Variants in ROBO2 observed in about 807,000 individuals in gnomAD.
ROBO2 encodes roundabout guidance receptor 2, also known as roundabout homolog 2.
A neutral mutation model predicts 160.8 loss-of-function variants in ROBO2; 53 were observed. That is an observed-to-expected ratio of 0.33 (90% CI 0.26 to 0.41). The LOEUF (loss-of-function observed/expected upper bound fraction) is 0.41. Ranked by LOEUF, ROBO2 falls within the 10% of genes least tolerant of loss-of-function variation. The probability of loss-of-function intolerance (pLI) is 1.00; values close to 1 mark genes in which losing one functional copy is unlikely to be tolerated. For missense variants in ROBO2, 1,577 were observed against 1,722.4 expected (o/e 0.92, Z 1.49); for synonymous variants, 664 against 611.7 (o/e 1.09, Z -1.26).
intron 2 of ROBO2, among the ~76,000 whole-genome samples, chr3:75,976,716 T>C (rs2065142620): frequency 6.6e-6 from 1 of 151,576 alleles, no homozygotes; most frequent in South Asian, 2.1e-4. Flanking sequence ...GAAGTTTCCA[T>C]TGTGACACAG....
exon 20 of ROBO2, chr3:77,602,340 C>T (rs773494376): frequency 6.2e-7 from 1 of 1,614,076 alleles, no homozygotes; most frequent in South Asian, 1.1e-5. Context: ...CACAGGCTAC[C>T]CCATATGCCA....
rs539606103 is a variant in ROBO2 at position 77,001,047 on chromosome 3, A to T, written c.110-96967A>T. Among the ~76,000 whole-genome samples, 3 of 152,292 alleles carry T rather than the reference A, an allele frequency of 2.0e-5. No individual in the cohort carries two copies. In the South Asian group the frequency reaches 6.2e-4, roughly 32 times the overall value. On this transcript the variant is annotated intron_variant, in intron 2 of 26. Coordinates refer to the ROBO2 transcript ENST00000487694. ...ACAGCCATCATTTGCGTGCCTGCTAAATTTCTAGATACAAGCACCAACTCT... is the reference window on the plus strand; with the variant it reads ...ACAGCCATCATTTGCGTGCCTGCTATATTTCTAGATACAAGCACCAACTCT...
At chr3:77,632,161 T>C (rs936959206) in intron 23 of ROBO2, 7 of 184,492 alleles carry the variant, frequency 3.8e-5, no homozygotes, top group Non-Finnish European at 7.8e-5. Flanking sequence ...ATTTCTGAAT[T>C]ATAGTAACTT....
intron 2 of ROBO2, among the ~76,000 whole-genome samples, chr3:77,390,999 T>G (rs540145588): frequency 6.6e-6 from 1 of 152,198 alleles, no homozygotes; most frequent in Admixed American, 6.6e-5. Context: ...TGCCTTCATT[T>G]TAGACACTCT....
At chr3:77,329,328 A>G (rs138049238) in intron 2 of ROBO2, among the ~76,000 whole-genome samples, 22 of 152,272 alleles carry the variant, frequency 1.4e-4, no homozygotes, top group African/African-American at 5.1e-4. Context: ...AACTTTGGAA[A>G]CTTCTGTTTC....
chr3:76,552,278 G>A (rs147235048), intron 2 of ROBO2, among the ~76,000 whole-genome samples: 5 of 152,074 alleles, frequency 3.3e-5, no homozygotes, highest in South Asian at 2.1e-4. Flanking sequence ...ATCTGTCGGG[G>A]GCCCTGGAAC....
At chr3:77,253,466 A>T (rs2090604915) in intron 2 of ROBO2, among the ~76,000 whole-genome samples, 1 of 152,188 alleles carries the variant, frequency 6.6e-6, no homozygotes, top group African/African-American at 2.4e-5. Context: ...CTATTCCAAA[A>T]ATAATATTAA....
At chr3:77,507,557 A>C (rs989092195) in intron 5 of ROBO2, among the ~76,000 whole-genome samples, 1 of 152,156 alleles carries the variant, frequency 6.6e-6, no homozygotes, top group Non-Finnish European at 1.5e-5. Flanking sequence ...TGTGGATGTG[A>C]TCCCTAAAGT....
intron 2 of ROBO2, among the ~76,000 whole-genome samples, chr3:76,217,380 C>T (rs771750922): frequency 1.1e-4 from 17 of 151,920 alleles, no homozygotes; most frequent in African/African-American, 3.4e-4. Flanking sequence ...CAGGAGCTGG[C>T]GTTTTGAAAA....
At chr3:76,509,531 T>C (rs1028049753) in intron 2 of ROBO2, among the ~76,000 whole-genome samples, 1 of 152,120 alleles carries the variant, frequency 6.6e-6, no homozygotes, top group African/African-American at 2.4e-5. Flanking sequence ...CCTTATTCAA[T>C]GGCAGATGGT....
In ROBO2 at chr3:77,602,828, C is replaced by T. The variant is rs149072658; in HGVS notation, c.3136+337C>T. 486 of 472,458 alleles carry T rather than the reference C, an allele frequency of 1.0e-3. 1 individual carries two copies. Among genetic ancestry groups the T allele is most frequent in the Admixed American group, 2.1e-3 (88 of 42,444 alleles). 29.3% of individuals were successfully genotyped at this position (472,458 alleles called of 1,614,324 possible). A position where few individuals can be genotyped will look rare whatever the true frequency, so the allele number is the denominator to read the frequency against. ...GCAGGGTAGACAAAACATTCCTCCA[C>T]TCTCCCACAACATCTGCTTCTGAGT... On this transcript the variant is annotated intron_variant, in intron 20 of 25. Coordinates refer to ENST00000461745, the Ensembl canonical transcript of ROBO2.
chr3:76,682,619 G>C (rs1257514762), intron 2 of ROBO2, among the ~76,000 whole-genome samples: 1 of 152,064 alleles, frequency 6.6e-6, no homozygotes, highest in Non-Finnish European at 1.5e-5. Flanking sequence ...TCTTGGCCAG[G>C]CTGGTCTTGA....
At chr3:76,854,014 G>C (rs2069713302) in intron 2 of ROBO2, among the ~76,000 whole-genome samples, 1 of 124,496 alleles carries the variant, frequency 8.0e-6, no homozygotes. Flanking sequence ...CAAAAGCATA[G>C]ACTTTCTCTC....
At position 75,980,151 on chromosome 3, in the gene ROBO2, G is replaced by A. The variant is rs530989958; in HGVS notation, c.109+42549G>A. On this transcript the variant is annotated intron_variant, in intron 2 of 26. Coordinates refer to the ROBO2 transcript ENST00000487694. ...ACGATACAGGGCAAAGTATTTTGCC[G>A]TCACGGACTTCAGATTTCATAAAGT... is the stretch of plus-strand genomic sequence containing the variant. Among the ~76,000 whole-genome samples, 51 of 151,570 alleles carry A rather than the reference G, an allele frequency of 3.4e-4. 1 individual carries two copies. Among genetic ancestry groups the A allele is most frequent in the South Asian group, 1.0e-3 (5 of 4,820 alleles).
At chr3:76,247,889 A>T (rs1296593678) in intron 2 of ROBO2, among the ~76,000 whole-genome samples, 2 of 151,904 alleles carry the variant, frequency 1.3e-5, no homozygotes, top group Non-Finnish European at 1.5e-5. Flanking sequence ...CACATGAAAA[A>T]ATGCTCACCA....
At chr3:77,270,838 G>A (rs895853963) in intron 2 of ROBO2, among the ~76,000 whole-genome samples, 1 of 152,134 alleles carries the variant, frequency 6.6e-6, no homozygotes, top group East Asian at 1.9e-4. Flanking sequence ...AGCTACTCGG[G>A]AGGCTGAGGC....
chr3:76,054,761 GC>G (rs1385384037), intron 2 of ROBO2, among the ~76,000 whole-genome samples: 4 of 152,072 alleles, frequency 2.6e-5, no homozygotes, highest in Admixed American at 2.6e-4. Context: ...TGCATTTTTG[GC>G]ATATTTTACC....
At chr3:76,014,245 C>A (rs9842710) in intron 2 of ROBO2, among the ~76,000 whole-genome samples, 2 of 95,552 alleles carry the variant, frequency 2.1e-5, no homozygotes, top group African/African-American at 7.2e-5. Flanking sequence ...GGCACGGTGG[C>A]TTATGCGTGT....
chr3:77,648,601 T>G (rs2095428159), exon 26 of ROBO2: 1 of 152,178 alleles, frequency 6.6e-6, no homozygotes, highest in Admixed American at 6.5e-5. Context: ...GCACCCAAAA[T>G]ATCACCCTCA....
Sources: gnomAD v4.1 joint callset for allele counts (sites outside exome capture counted in the v4.1 genomes callset) on GRCh38, gnomAD v4.1.1 for gene constraint, MANE v1.5 for transcripts, NCBI Gene and HGNC (gene_info 2026-07-23, HGNC 2026-07-21) for gene names.